Variants in TXN2 observed in about 807,000 individuals in gnomAD.
TXN2 encodes the protein thioredoxin, mitochondrial.
In TXN2, 12 loss-of-function variants were observed where a neutral mutation model predicts 14.6. The ratio of observed to expected loss-of-function variants is 0.82; its 90% CI spans 0.53 to 1.33. The LOEUF is 1.33. Ranked by LOEUF, TXN2 falls within the 40% of genes most tolerant of loss-of-function variation. The probability of loss-of-function intolerance (pLI) is 0.00; values close to 1 mark genes in which losing one functional copy is unlikely to be tolerated. For synonymous variants in TXN2, 89 were observed against 81.0 expected, an observed-to-expected ratio of 1.10 and a Z score of -0.53; for missense variants, 173 against 207.7, an observed-to-expected ratio of 0.83 and a Z score of 1.03.
At chr22:36,474,276 G>GCCACC (rs1933342740) in intron 3 of TXN2, among the ~76,000 whole-genome samples, 1 of 152,178 alleles carries the variant, frequency 6.6e-6, no homozygotes, top group South Asian at 2.1e-4. Flanking sequence ...ACCTGTAGTG[G>GCCACC]CCACCGTGTT....
rs73169632 is a variant in TXN2, at chr22:36,468,016, G to T, written c.388-99C>A. The stretch of plus-strand genomic sequence containing the variant: ...TGGGGAAGGCTGGTGGCTTATCCAG[G>T]GCACTGACTTCCCAAAGCCATGGGC... On this transcript the variant is annotated intron_variant, in intron 3 of 3. Transcript: ENST00000216185. The T allele has an allele frequency of 0.03, 30,604 of 1,019,874 alleles. 619 individuals carry two copies. Among genetic ancestry groups the T allele is most frequent in the Non-Finnish European group, 0.038 (25,219 of 662,032 alleles). 63.2% of individuals were successfully genotyped at this position (1,019,874 alleles called of 1,614,324 possible).
chr22:36,469,064 A>AAATT (rs1428478641), intron 3 of TXN2, among the ~76,000 whole-genome samples: 4 of 138,634 alleles, frequency 2.9e-5, no homozygotes. Flanking sequence ...ATAAATAAAT[A>AAATT]AATAAATACA....
chr22:36,480,389 G>A (rs1434929864), intron 2 of TXN2, among the ~76,000 whole-genome samples, 186 bp downstream of exon 2: 1 of 152,250 alleles, frequency 6.6e-6, no homozygotes, highest in Non-Finnish European at 1.5e-5. Context: ...AGTCAGCTTT[G>A]CAGACTGTTC....
chr22:36,474,740 C>T lies in TXN2; in HGVS notation c.387+1993G>A, dbSNP rs8141452. On this transcript the variant is annotated intron_variant, in intron 3 of 3. Transcript: ENST00000216185. ...GAGGCTGCCAGGAGCGCCCTCGGCT[C>T]TGTAACAGCGCTACCTTCAGCATGG... is the stretch of plus-strand genomic sequence containing the variant. Among the ~76,000 whole-genome samples the T allele has an allele frequency of 3.2e-3, 492 of 152,358 alleles. 3 individuals are homozygous for T. Among genetic ancestry groups the T allele is most frequent in the African/African-American group, 0.011 (471 of 41,574 alleles).
rs185484825 is a variant in TXN2 at position 36,471,482 on chromosome 22, C to T, written c.388-3565G>A. Among the ~76,000 whole-genome samples the T allele has an allele frequency of 1.2e-4, 18 of 152,260 alleles. 1 individual carries two copies. In the East Asian group the frequency reaches 3.3e-3, roughly 28 times the overall value. ...GGGAAAGGCACAGTGCTGGGTGCTG[C>T]GGGATGTTGCAACCTCCTCCTCGGC... On this transcript the variant is annotated intron_variant, in intron 3 of 3. Coordinates refer to ENST00000216185, the MANE Select transcript of TXN2 (RefSeq NM_012473.4).
chr22:36,471,785 G>A (rs1403135106), intron 3 of TXN2, among the ~76,000 whole-genome samples: 7 of 152,144 alleles, frequency 4.6e-5, no homozygotes, highest in Admixed American at 3.3e-4. Context: ...GCCGGCCAAT[G>A]TGGTGAAACC....
In TXN2 at chr22:36,480,645, G is replaced by A. The variant is rs1161233773; in HGVS notation, c.193C>T (p.Gln65Ter). 1.2e-6 allele frequency: 2 copies of A among 1,614,034 alleles called. No individual in the cohort carries two copies. The highest frequency in any genetic ancestry group is 2.2e-5 in the East Asian group (1 of 44,896). ...TRISLTTFNI[Q>*]DGPDFQDRVV... is the part of the protein sequence containing the mutation. ...CGGTCTTGAAAGTCAGGTCCATCCTGGATATTAAAGGTTGTCAAGGAGATC... is the reference window on the plus strand; with the variant it reads ...CGGTCTTGAAAGTCAGGTCCATCCTAGATATTAAAGGTTGTCAAGGAGATC... Residue 65 changes from glutamine to a stop codon, truncating the protein, a stop_gained, in exon 2 of 4, where the codon CAG becomes TAG. Transcript: ENST00000216185. LOFTEE classifies it high-confidence loss of function.
At chr22:36,477,268 C>T (rs1476986691) in intron 2 of TXN2, among the ~76,000 whole-genome samples, 1 of 152,084 alleles carries the variant, frequency 6.6e-6, no homozygotes, top group Non-Finnish European at 1.5e-5. Context: ...AGTGCAGTGG[C>T]GCGATCTCGG....
chr22:36,468,098 C>T (rs906893746), intron 3 of TXN2, among the ~76,000 whole-genome samples, 181 bp from the exon 4 acceptor site: 1 of 152,168 alleles, frequency 6.6e-6, no homozygotes, highest in Non-Finnish European at 1.5e-5. Flanking sequence ...GGCCCGGGGG[C>T]CACCCGCTGA....
intron 3 of TXN2, among the ~76,000 whole-genome samples, chr22:36,474,729 C>T (rs1933351350): frequency 6.6e-6 from 1 of 152,226 alleles, no homozygotes; most frequent in African/African-American, 2.4e-5. Flanking sequence ...CTGCCAGGAG[C>T]GCCCTCGGCT....
chr22:36,480,520 C>G (rs1022915334), intron 2 of TXN2, 55 bp downstream of exon 2: 5 of 1,580,594 alleles, frequency 3.2e-6, no homozygotes, highest in Non-Finnish European at 2.6e-6. Flanking sequence ...AGCAGGCATT[C>G]AATAAATACT....
intron 3 of TXN2, among the ~76,000 whole-genome samples, chr22:36,472,878 G>C (rs1278492839): frequency 3.8e-5 from 4 of 105,278 alleles, no homozygotes; most frequent in Non-Finnish European, 3.6e-5. Flanking sequence ...AAGTCAGTCC[G>C]GGGCCTTCAG....
Position 36,476,814 on chromosome 22 carries a change from C to A in TXN2, c.306G>T (p.Lys102Asn), listed in dbSNP as rs747407173. 11 of 1,614,066 alleles carry A rather than the reference C, an allele frequency of 6.8e-6. No homozygotes were observed. Among genetic ancestry groups the A allele is most frequent in the Non-Finnish European group, 9.3e-6 (11 of 1,180,042 alleles). ...PCKILGPRLEKMVAKQHGKVV... is the reference protein window; with the variant it reads ...PCKILGPRLENMVAKQHGKVV... ...CCTTCCCGTGCTGCTTGGCCACCAT[C>A]TTCTCTAACCTCGGCCCCAGGATCT... Residue 102 changes from lysine (K) to asparagine (N), a missense_variant, in exon 3 of 4, where the codon AAG becomes AAT. By Grantham distance (94) the Lys-to-Asn change is moderately conservative. Coordinates refer to ENST00000216185, the MANE Select transcript of TXN2 (RefSeq NM_012473.4).
chr22:36,473,989 G>GGCTGAA (rs964167758), intron 3 of TXN2, among the ~76,000 whole-genome samples: 13 of 152,322 alleles, frequency 8.5e-5, no homozygotes, highest in East Asian at 1.9e-4. Flanking sequence ...TGAATACATT[G>GGCTGAA]GCTGAAGCTG....
At chr22:36,476,930 G>A in intron 2 of TXN2, 74 bp from the exon 3 acceptor site, 6 of 1,585,074 alleles carry the variant, frequency 3.8e-6, no homozygotes, top group Non-Finnish European at 4.3e-6. Context: ...TCCCAGACCT[G>A]CATCTTTCCA....
rs376531480 is a variant in TXN2 at position 36,480,044 on chromosome 22, T to C, written c.263+531A>G. On this transcript the variant is annotated intron_variant, in intron 2 of 3. Transcript: ENST00000216185. The stretch of plus-strand genomic sequence containing the variant: ...GATTACAGGCACACACCACCACGCC[T>C]AGCTAATTTTGTATTTTTAATAGAG... Among the ~76,000 whole-genome samples, 492 of 152,082 alleles carry C rather than the reference T, an allele frequency of 3.2e-3. 3 individuals are homozygous for C. The highest frequency in any genetic ancestry group is 0.011 in the African/African-American group (471 of 41,480).
chr22:36,480,720 C>A lies in TXN2; in HGVS notation c.118G>T (p.Gly40Cys). 1 of 1,614,076 alleles carries A rather than the reference C, an allele frequency of 6.2e-7. No individual in the cohort carries two copies. The change falls in exon 2 of 4, where the codon GGT becomes TGT. Residue 40 changes from glycine to cysteine, a missense_variant. Transcript: ENST00000216185. ...RALQTPQCSP[G>C]GLTVTPNPAR... ...GGGTTGGGTGTTACAGTCAGGCCAC[C>A]AGGACTGCATTGTGGGGTCTGCAGG... is the stretch of plus-strand genomic sequence containing the variant.
At chr22:36,473,826 C>T (rs1226543743) in intron 3 of TXN2, among the ~76,000 whole-genome samples, 1 of 152,198 alleles carries the variant, frequency 6.6e-6, no homozygotes, top group Non-Finnish European at 1.5e-5. Context: ...GCCTTCAGTG[C>T]CCACTCCCAC....
intron 2 of TXN2, among the ~76,000 whole-genome samples, chr22:36,480,056 T>C (rs1933467930): frequency 6.6e-6 from 1 of 152,112 alleles, no homozygotes; most frequent in Non-Finnish European, 1.5e-5. Flanking sequence ...GCTAATTTTG[T>C]ATTTTTAATA....
Sources: gnomAD v4.1 joint callset for allele counts (sites outside exome capture counted in the v4.1 genomes callset) on GRCh38, gnomAD v4.1.1 for gene constraint, MANE v1.5 for transcripts, NCBI Gene and HGNC (gene_info 2026-07-23, HGNC 2026-07-21) for gene names.